MGAT4A: variants seen among roughly 807,000 people sequenced by gnomAD.
The protein encoded by MGAT4A is alpha-1,3-mannosyl-glycoprotein 4-beta-N-acetylglucosaminyltransferase A.
MGAT4A carries 33 observed loss-of-function variants against 74.1 expected under a neutral mutation model. The ratio of observed to expected loss-of-function variants is 0.45; its 90% confidence interval spans 0.34 to 0.60. The LOEUF (loss-of-function observed/expected upper bound fraction) is 0.60, where lower values mean the gene tolerates loss of function less well. Among genes scored for constraint, MGAT4A ranks in the 20% least tolerant of loss-of-function variants. MGAT4A has a pLI of 0.02. For synonymous variants in MGAT4A, 198 were observed against 210.4 expected (o/e 0.94, Z 0.51); for missense variants, 479 against 628.3 (o/e 0.76, Z 2.54).
chr2:98,724,898 T>G (rs138900803), intron 2 of MGAT4A, among the ~76,000 whole-genome samples: 1 of 152,306 alleles, frequency 6.6e-6, no homozygotes, highest in Non-Finnish European at 1.5e-5. Flanking sequence ...AATCAATAGT[T>G]TGATTAACTA....
chr2:98,730,228 T>C (rs1702827252), intron 1 of MGAT4A: 1 of 152,164 alleles, frequency 6.6e-6, no homozygotes, highest in South Asian at 2.1e-4. Context: ...ATGCGGAATG[T>C]AGGCAATGAA....
rs756742061 is a variant in MGAT4A, at chr2:98,726,320, T to G, written c.13A>C (p.Asn5His). 9 of 1,613,720 alleles carry G rather than the reference T, an allele frequency of 5.6e-6. No individual in the cohort carries two copies. In the South Asian group the frequency reaches 9.9e-5, roughly 18 times the overall value. MRLR[N>H]GTVATALAFI... ...GCTAAAGCAGTGGCTACAGTTCCATTGCGGAGCCTCATCTCATTTCACCAT... is the reference window on the plus strand; with the variant it reads ...GCTAAAGCAGTGGCTACAGTTCCATGGCGGAGCCTCATCTCATTTCACCAT... Residue 5 changes from asparagine (N) to histidine (H), a missense_variant, in exon 2 of 16, where the codon AAT becomes CAT. Physicochemically the swap from Asn to His is moderately conservative, Grantham distance 68. Around this residue, in one of 3 missense-constraint regions of MGAT4A, gnomAD observed 205 missense variants for 232.7 expected, o/e 0.88. Coordinates refer to ENST00000393487, the MANE Select transcript of MGAT4A (RefSeq NM_012214.3).
rs1701121754 is a variant in MGAT4A, at chr2:98,624,896, G to T, written c.*670C>A. 1.0e-6 allele frequency: 1 copy of T among 983,726 alleles called. No homozygotes were observed. Among genetic ancestry groups the T allele is most frequent in the Admixed American group, 6.1e-5 (1 of 16,268 alleles). The allele number at this position is 983,726 out of a possible 1,614,324, so 60.9% of individuals were successfully genotyped here. ...TGACAAATGTCTTTGAAAATATTTT[G>T]TTCAGTCACTGTGATTATAAAAGTA... On this transcript the variant is annotated 3_prime_UTR_variant, in exon 16 of 16. Transcript: ENST00000393487.
At position 98,675,021 on chromosome 2, in the gene MGAT4A, C is replaced by T; in HGVS notation, c.403+14G>A. 6.2e-7 allele frequency: 1 copy of T among 1,606,786 alleles called. No homozygotes were observed. Among genetic ancestry groups the T allele is most frequent in the Non-Finnish European group, 8.5e-7 (1 of 1,178,244 alleles). ...GCAGTAGTACAACTGCAGTAAGAAA[C>T]AAAATAAACATACCTCCTGTTCTTC... On this transcript the variant is annotated intron_variant, in intron 4 of 15. Coordinates refer to ENST00000393487, the MANE Select transcript of MGAT4A (RefSeq NM_012214.3).
intron 2 of MGAT4A, among the ~76,000 whole-genome samples, chr2:98,690,198 T>C (rs1702176288): frequency 6.6e-6 from 1 of 152,106 alleles, no homozygotes; most frequent in South Asian, 2.1e-4. Context: ...CTTGCCCAAC[T>C]GTTACTAGGC....
intron 2 of MGAT4A, among the ~76,000 whole-genome samples, chr2:98,699,508 T>C (rs1352547070): frequency 3.9e-5 from 6 of 152,084 alleles, no homozygotes; most frequent in African/African-American, 1.4e-4. Flanking sequence ...TTTTAGTCTT[T>C]TTTTTTTCCC....
chr2:98,667,090 C>G (rs984012075), intron 4 of MGAT4A, among the ~76,000 whole-genome samples: 1 of 138,388 alleles, frequency 7.2e-6, no homozygotes, highest in African/African-American at 2.9e-5. Flanking sequence ...TTCCCCTGCA[C>G]AAGCTTGCTC....
intron 4 of MGAT4A, among the ~76,000 whole-genome samples, chr2:98,674,262 T>C (rs1701949686): frequency 6.6e-6 from 1 of 152,230 alleles, no homozygotes; most frequent in African/African-American, 2.4e-5. Context: ...GAAGTTATCA[T>C]TTCATCACTT....
intron 2 of MGAT4A, among the ~76,000 whole-genome samples, chr2:98,681,227 C>T (rs1359166070): frequency 2.6e-5 from 4 of 152,082 alleles, no homozygotes; most frequent in Non-Finnish European, 4.4e-5. Context: ...GTGATCCGCC[C>T]GCCTCAGCCT....
intron 8 of MGAT4A, among the ~76,000 whole-genome samples, chr2:98,650,248 A>G (rs948019873): frequency 2.0e-5 from 3 of 152,206 alleles, no homozygotes; most frequent in Non-Finnish European, 2.9e-5. Flanking sequence ...AGAAAAAAGA[A>G]TAACAGAAAA....
Position 98,731,120 on chromosome 2 carries a change from CGCTGCGGG to C in MGAT4A, c.-316_-309del, listed in dbSNP as rs1202277348. ...TAGCCGCCGCCGCCGCTGCCGCCGCCGCTGCGGGCCGCCCCGCCCGCCCCGCCGGCTCC... is the reference window on the plus strand; with the variant it reads ...TAGCCGCCGCCGCCGCTGCCGCCGCCCCGCCCCGCCCGCCCCGCCGGCTCC... On this transcript the variant is annotated 5_prime_UTR_variant, in exon 1 of 16. Coordinates refer to ENST00000393487, the MANE Select transcript of MGAT4A (RefSeq NM_012214.3). The surrounding 1 kb of genome is among the most constrained non-coding windows in gnomAD (Gnocchi z 4.8). 2.2e-5 allele frequency: 3 copies of C among 138,236 alleles called. No individual in the cohort carries two copies. Among genetic ancestry groups the C allele is most frequent in the African/African-American group, 8.2e-5 (3 of 36,804 alleles). The allele number at this position is 138,236 out of a possible 1,614,324, so 8.6% of individuals were successfully genotyped here. A position where few individuals can be genotyped will look rare whatever the true frequency, so the allele number is the denominator to read the frequency against.
At chr2:98,676,596 T>C (rs955130730) in intron 3 of MGAT4A, among the ~76,000 whole-genome samples, 5 of 152,160 alleles carry the variant, frequency 3.3e-5, no homozygotes, top group Non-Finnish European at 7.4e-5. Flanking sequence ...ACAAATATGT[T>C]CATCAGAGTT....
intron 2 of MGAT4A, among the ~76,000 whole-genome samples, chr2:98,693,527 G>A (rs1053531289): frequency 3.9e-5 from 6 of 152,106 alleles, no homozygotes; most frequent in African/African-American, 4.8e-5. Flanking sequence ...GCAACAAAGC[G>A]AGACCCCATT....
chr2:98,710,045 A>C (rs1485909529), intron 2 of MGAT4A, among the ~76,000 whole-genome samples: 2 of 152,204 alleles, frequency 1.3e-5, no homozygotes, highest in African/African-American at 2.4e-5. Flanking sequence ...GGAAAAAAAA[A>C]CAATCAATGA....
At chr2:98,627,833 T>C (rs1464130907) in intron 14 of MGAT4A, among the ~76,000 whole-genome samples, 2 of 152,192 alleles carry the variant, frequency 1.3e-5, no homozygotes, top group Non-Finnish European at 2.9e-5. Context: ...GGATATTCAG[T>C]TCCTATTTCT....
intron 2 of MGAT4A, among the ~76,000 whole-genome samples, chr2:98,695,876 T>A (rs1453458792): frequency 1.4e-5 from 2 of 145,696 alleles, no homozygotes; most frequent in Non-Finnish European, 3.0e-5. Context: ...TCCACAGAAC[T>A]TCTTTTTTTT....
At chr2:98,698,058 T>C (rs1287021942) in intron 2 of MGAT4A, among the ~76,000 whole-genome samples, 2 of 152,232 alleles carry the variant, frequency 1.3e-5, no homozygotes, top group Non-Finnish European at 2.9e-5. Context: ...TTGTTAGCTG[T>C]CAGTTTTCAA....
chr2:98,621,726 G>GT lies in MGAT4A; in HGVS notation c.*3839dup. 8.0e-7 allele frequency: 1 copy of GT among 1,256,668 alleles called. No homozygotes were observed. The highest frequency in any genetic ancestry group is 1.0e-6 in the Non-Finnish European group (1 of 998,882). 77.8% of individuals were successfully genotyped at this position (1,256,668 alleles called of 1,614,324 possible). ...CTAGAATAATCTCTCCAAACGTGCTGTTTCCACATAACCAGTCTTTTCTTT... is the reference window on the plus strand; with the variant it reads ...CTAGAATAATCTCTCCAAACGTGCTGTTTTCCACATAACCAGTCTTTTCTTT... On this transcript the variant is annotated 3_prime_UTR_variant, in exon 16 of 16. Transcript: ENST00000393487.
At chr2:98,691,361 G>A (rs1702192270) in intron 2 of MGAT4A, among the ~76,000 whole-genome samples, 1 of 151,996 alleles carries the variant, frequency 6.6e-6, no homozygotes, top group African/African-American at 2.4e-5. Context: ...GATCACTGGA[G>A]CCTAGGAGGC....
Sources: allele counts gnomAD v4.1 joint callset (sites outside exome capture counted in the v4.1 genomes callset), GRCh38; gene constraint gnomAD v4.1.1; regional missense constraint gnomAD v4.1.1; non-coding constraint Gnocchi (gnomAD v3.1); transcripts MANE v1.5; gene names NCBI Gene and HGNC (gene_info 2026-07-23, HGNC 2026-07-21).